The following CUBN variants were observed in gnomAD, a reference collection of about 807,000 sequenced individuals.
The protein encoded by CUBN is 460 kDa receptor.
A neutral mutation model predicts 405.3 loss-of-function variants in CUBN; 282 were observed. The observed-to-expected ratio is 0.70, with a 90% CI of 0.63 to 0.77. The LOEUF is 0.77. Among genes scored for constraint, CUBN ranks in the 30% least tolerant of loss-of-function variants. The probability of loss-of-function intolerance (pLI) is 0.00; values close to 1 mark genes in which losing one functional copy is unlikely to be tolerated. For synonymous variants in CUBN, 1,684 were observed against 1,617.0 expected (o/e 1.04, Z -0.99); for missense variants, 4,514 against 4,475.2 (o/e 1.01, Z -0.25).
At chr10:16,847,851 G>A (rs1171386178) in intron 60 of CUBN, among the ~76,000 whole-genome samples, 1 of 152,090 alleles carries the variant, frequency 6.6e-6, no homozygotes, top group East Asian at 1.9e-4. Context: ...ACAGAGTTCA[G>A]TTAAATTAGC....
chr10:17,068,838 AT>A, intron 19 of CUBN, 68 bp from the exon 20 acceptor site: 1 of 1,242,436 alleles, frequency 8.0e-7, no homozygotes, highest in Non-Finnish European at 1.2e-6. Flanking sequence ...AAGAATAATT[AT>A]TTCTGAAATG....
At chr10:17,095,770 C>G (rs1315203024) in intron 14 of CUBN, among the ~76,000 whole-genome samples, 1 of 152,052 alleles carries the variant, frequency 6.6e-6, no homozygotes, top group Non-Finnish European at 1.5e-5. Context: ...AAATAAATAT[C>G]TGGAAGAGCT....
intron 27 of CUBN, among the ~76,000 whole-genome samples, chr10:17,022,186 A>C (rs987301636): frequency 6.6e-6 from 1 of 152,196 alleles, no homozygotes; most frequent in African/African-American, 2.4e-5. Flanking sequence ...GGTTATGATA[A>C]ATCGCAGATT....
intron 17 of CUBN, among the ~76,000 whole-genome samples, chr10:17,076,764 T>C (rs1835864108): frequency 6.6e-6 from 1 of 152,222 alleles, no homozygotes; most frequent in Admixed American, 6.5e-5. Flanking sequence ...AACCATCTTT[T>C]ACTTTTCCCC....
Position 16,918,809 on chromosome 10 carries a change from G to C in CUBN, c.6822-9C>G. 1 of 1,612,784 alleles carries C rather than the reference G, an allele frequency of 6.2e-7. No homozygotes were observed. The highest frequency in any genetic ancestry group is 8.5e-7 in the Non-Finnish European group (1 of 1,179,202). Reference sequence around the variant, plus strand: ...GGTAGTTGGAAGTACAGCTGAAGTGGGAACAAAATTCTGTTAAATTTACAT... The same window carrying C: ...GGTAGTTGGAAGTACAGCTGAAGTGCGAACAAAATTCTGTTAAATTTACAT... On this transcript the variant is annotated splice_polypyrimidine_tract_variant and intron_variant, in intron 44 of 66. Transcript: ENST00000377833.
intron 27 of CUBN, among the ~76,000 whole-genome samples, chr10:17,033,565 C>A (rs189708820): frequency 6.6e-6 from 1 of 152,160 alleles, no homozygotes; most frequent in Admixed American, 6.5e-5. Context: ...CCACAGCAAA[C>A]GCAAAACAAA....
intron 17 of CUBN, 144 bp from the exon 18 acceptor site, chr10:17,072,115 G>T: frequency 1.5e-6 from 1 of 682,622 alleles, no homozygotes; most frequent in Non-Finnish European, 2.5e-6. Context: ...ATTTTCTAAA[G>T]CAGTAGGTCA....
At chr10:16,845,798 G>C (rs1461851653) in intron 60 of CUBN, among the ~76,000 whole-genome samples, 2 of 152,168 alleles carry the variant, frequency 1.3e-5, no homozygotes, top group Admixed American at 1.3e-4. Flanking sequence ...CCCCTCCTCA[G>C]CTCCAGTGTC....
At chr10:17,039,803 T>C (rs917882283) in intron 27 of CUBN, among the ~76,000 whole-genome samples, 10 of 152,212 alleles carry the variant, frequency 6.6e-5, no homozygotes, top group Non-Finnish European at 1.3e-4. Context: ...ACACTATGGC[T>C]AATATTTCTG....
intron 62 of CUBN, among the ~76,000 whole-genome samples, chr10:16,836,688 G>T (rs1370872434): frequency 6.6e-6 from 1 of 152,056 alleles, no homozygotes; most frequent in Non-Finnish European, 1.5e-5. Context: ...TTGCTCTGAG[G>T]ATCTAGGCTG....
chr10:16,992,596 C>T lies in CUBN; in HGVS notation c.4169-2081G>A, dbSNP rs7095434. On this transcript the variant is annotated intron_variant, in intron 28 of 66. Transcript: ENST00000377833. ...GTTAAGGAGTTAAAAAAAAAATCTC[C>T]GTGCAGAATTCCCCACTGCACTGAG... 3.9e-3 allele frequency among the ~76,000 whole-genome samples: 598 copies of T among 152,158 alleles called. 6 individuals carry two copies. Among genetic ancestry groups the T allele is most frequent in the African/African-American group, 0.013 (546 of 41,510 alleles).
chr10:17,083,516 A>AATAAATACATACATACATACATACATAC lies in CUBN; in HGVS notation c.2301+754_2301+755insGTATGTATGTATGTATGTATGTATTTAT, dbSNP rs59957943. On this transcript the variant is annotated intron_variant, in intron 17 of 66. Transcript: ENST00000377833. ...GCGAAACTCCGTCTCAAAATAAATA[A>AATAAATACATACATACATACATACATAC]ATACATACATACATACATACATACA... is the stretch of plus-strand genomic sequence containing the variant. 5.5e-3 allele frequency among the ~76,000 whole-genome samples: 789 copies of AATAAATACATACATACATACATACATAC among 142,716 alleles called. 6 individuals carry two copies. The highest frequency in any genetic ancestry group is 0.011 in the Middle Eastern group (3 of 270). The allele number at this position is 142,716 out of a possible 152,430, so 93.6% of individuals were successfully genotyped here.
intron 59 of CUBN, among the ~76,000 whole-genome samples, chr10:16,853,229 A>C (rs1414529867): frequency 6.6e-6 from 1 of 152,240 alleles, no homozygotes; most frequent in Admixed American, 6.5e-5. Context: ...ATAAGCTCAA[A>C]ATAGCCCTAG....
rs748893013 is a variant in CUBN, at chr10:16,950,057, C to T, written c.5024G>A (p.Cys1675Tyr). The T allele has an allele frequency of 1.2e-6, 2 of 1,614,034 alleles. No individual in the cohort carries two copies. The highest frequency in any genetic ancestry group is 2.2e-5 in the South Asian group (2 of 91,054). ...THFELERSTT[C>Y]ARDFVEILDG... The stretch of plus-strand genomic sequence containing the variant: ...CAAAATTTCTACAAAGTCACGTGCA[C>T]ACGTTGTGCTTCTTTCAAGTTCAAA... The change falls in exon 34 of 67, where the codon TGT becomes TAT. Residue 1675 changes from cysteine (C) to tyrosine (Y), a missense_variant. Cys to Tyr is a radical substitution (Grantham distance 194). Transcript: ENST00000377833.
chr10:16,886,350 C>T (rs1245224956), intron 56 of CUBN, among the ~76,000 whole-genome samples: 5 of 152,114 alleles, frequency 3.3e-5, no homozygotes, highest in Non-Finnish European at 7.4e-5. Context: ...TGCTATAGAA[C>T]ATTTTGCAAA....
intron 15 of CUBN, among the ~76,000 whole-genome samples, chr10:17,087,472 C>CTTTGTTTTTTTTTTTTTTTTTT (rs1202786680): frequency 5.6e-5 from 4 of 71,732 alleles, no homozygotes; most frequent in African/African-American, 1.9e-4. Flanking sequence ...TTTTCTTTTT[C>CTTTGTTTTTTTTTTTTTTTTTT]TTTTTTTTTT....
At chr10:17,064,940 G>A (rs894281388) in intron 22 of CUBN, among the ~76,000 whole-genome samples, 2 of 152,030 alleles carry the variant, frequency 1.3e-5, no homozygotes, top group Admixed American at 6.6e-5. Context: ...AATTTCATGC[G>A]GTAGTCTCTA....
At chr10:17,031,162 A>G (rs1588597865) in intron 27 of CUBN, among the ~76,000 whole-genome samples, 1 of 152,324 alleles carries the variant, frequency 6.6e-6, no homozygotes, top group East Asian at 1.9e-4. Context: ...AAGTGTCAAA[A>G]TGCATTAACC....
chr10:17,129,606 C>G (rs1564526870), intron 1 of CUBN, 38 bp downstream of exon 1: 5 of 1,613,880 alleles, frequency 3.1e-6, no homozygotes, highest in Non-Finnish European at 4.2e-6. Context: ...AGGAATTAGC[C>G]TAGTCCCTGA....
Sources: gnomAD v4.1 joint callset for allele counts (sites outside exome capture counted in the v4.1 genomes callset) on GRCh38, gnomAD v4.1.1 for gene constraint, MANE v1.5 for transcripts, NCBI Gene and HGNC (gene_info 2026-07-23, HGNC 2026-07-21) for gene names.